The following INPP5A variants were observed in gnomAD, a reference collection of about 807,000 sequenced individuals.
INPP5A encodes the protein inositol polyphosphate-5-phosphatase A.
Under a neutral mutation model 65.2 loss-of-function variants are expected in INPP5A, and 14 were observed. The observed-to-expected ratio is 0.21, with a 90% CI of 0.14 to 0.34. The LOEUF is 0.34. Among genes scored for constraint, INPP5A ranks in the 10% least tolerant of loss-of-function variants. INPP5A has a pLI of 1.00. For missense variants in INPP5A, 431 were observed against 545.6 expected, an observed-to-expected ratio of 0.79 and a Z score of 2.09; for synonymous variants, 207 against 208.3, an observed-to-expected ratio of 0.99 and a Z score of 0.05.
intron 4 of INPP5A, among the ~76,000 whole-genome samples, chr10:132,684,780 A>T (rs1358501139): frequency 6.6e-6 from 1 of 152,176 alleles, no homozygotes; most frequent in Non-Finnish European, 1.5e-5. Flanking sequence ...GAGAGCACAG[A>T]TGTTTGCCAC....
chr10:132,666,609 G>A (rs781326520), intron 4 of INPP5A, among the ~76,000 whole-genome samples: 3 of 152,224 alleles, frequency 2.0e-5, no homozygotes, highest in Non-Finnish European at 4.4e-5. Context: ...GAGTGCAGCA[G>A]CATCTGGAAT....
At chr10:132,693,001 A>G (rs1046265656) in intron 5 of INPP5A, among the ~76,000 whole-genome samples, 7 of 152,246 alleles carry the variant, frequency 4.6e-5, no homozygotes, top group African/African-American at 1.7e-4. Flanking sequence ...TGGAATGAAT[A>G]ACAGAAAAGT....
rs991856855 is a variant in INPP5A at position 132,710,328 on chromosome 10, T to C, written c.528-9T>C. The C allele has an allele frequency of 3.7e-6, 6 of 1,613,676 alleles. No homozygotes were observed. The highest frequency in any genetic ancestry group is 4.5e-5 in the East Asian group (2 of 44,880). ...CTTGGTGACGTGTCCTTTTCTCTTT[T>C]GGTTGCAGTGCCTTTGACTTGGTGA... On this transcript the variant is annotated splice_polypyrimidine_tract_variant and intron_variant, in intron 7 of 15. Transcript: ENST00000368594.
At chr10:132,773,869 T>G (rs1004886715) in intron 12 of INPP5A, among the ~76,000 whole-genome samples, 3 of 152,060 alleles carry the variant, frequency 2.0e-5, no homozygotes, top group Non-Finnish European at 4.4e-5. Flanking sequence ...CAAGCGATTT[T>G]CCCCCCTCAG....
intron 4 of INPP5A, among the ~76,000 whole-genome samples, chr10:132,688,594 A>T (rs1234240464): frequency 6.6e-6 from 1 of 152,178 alleles, no homozygotes; most frequent in Non-Finnish European, 1.5e-5. Flanking sequence ...AGAGTGCATG[A>T]GTGCGTGTGT....
Position 132,707,757 on chromosome 10 carries a change from C to T in INPP5A, c.475-556C>T, listed in dbSNP as rs1845559304. On this transcript the variant is annotated intron_variant, in intron 6 of 15. Transcript: ENST00000368594. This position sits in a 1 kb window ranked among gnomAD's most constrained non-coding sequence, Gnocchi z 5.5. ...AGCTCAGGCTCTACGTTCGGTGGCTCTGCTAGGTGGTGGGGATCAGTGAGA... is the reference window on the plus strand; with the variant it reads ...AGCTCAGGCTCTACGTTCGGTGGCTTTGCTAGGTGGTGGGGATCAGTGAGA... Among the ~76,000 whole-genome samples the T allele has an allele frequency of 6.6e-6, 1 of 152,136 alleles. No homozygotes were observed. Among genetic ancestry groups the T allele is most frequent in the African/African-American group, 2.4e-5 (1 of 41,402 alleles).
intron 8 of INPP5A, among the ~76,000 whole-genome samples, chr10:132,717,361 G>A (rs980474504): frequency 3.3e-5 from 5 of 151,120 alleles, no homozygotes; most frequent in South Asian, 2.1e-4. Flanking sequence ...GGGGATCAGC[G>A]GGTTGGTCAA....
chr10:132,587,776 C>A lies in INPP5A; in HGVS notation c.76-20139C>A, dbSNP rs1052438974. ...CCCCCAGCACTTTGGGAGGCCGAGG[C>A]GAGGCGGGCAGATTATCTGAGGCCA... is the stretch of plus-strand genomic sequence containing the variant. On this transcript the variant is annotated intron_variant, in intron 1 of 15. Transcript: ENST00000368594. The surrounding 1 kb of genome is among the most constrained non-coding windows in gnomAD (Gnocchi z 4.3). Among the ~76,000 whole-genome samples the A allele has an allele frequency of 1.8e-4, 28 of 151,590 alleles. No individual in the cohort carries two copies. Among genetic ancestry groups the A allele is most frequent in the Admixed American group, 1.8e-3 (28 of 15,224 alleles).
At chr10:132,588,210 A>C (rs776950515) in intron 1 of INPP5A, among the ~76,000 whole-genome samples, 3 of 152,206 alleles carry the variant, frequency 2.0e-5, no homozygotes, top group Non-Finnish European at 2.9e-5. Flanking sequence ...TTTCTGAATT[A>C]TCTCTCATCA....
In INPP5A at chr10:132,650,326, G is replaced by C. The variant is rs2072557376; in HGVS notation, c.219-92G>C. 3.3e-5 allele frequency: 27 copies of C among 828,708 alleles called. No homozygotes were observed. The South Asian group carries it at 3.7e-4, about 11-fold the overall frequency. The allele number at this position is 828,708 out of a possible 1,614,324, so 51.3% of individuals were successfully genotyped here. A position where few individuals can be genotyped will look rare whatever the true frequency, so the allele number is the denominator to read the frequency against. On this transcript the variant is annotated intron_variant, in intron 3 of 15. Coordinates refer to ENST00000368594, the MANE Select transcript of INPP5A (RefSeq NM_005539.5). The surrounding 1 kb of genome is among the most constrained non-coding windows in gnomAD (Gnocchi z 5.5). ...GATGGTCTCACGGTGATGTACCTAT[G>C]TGCTGGAGCCCCTCTTATACCTTGT...
At chr10:132,710,620 G>A (rs969013555) in intron 8 of INPP5A, among the ~76,000 whole-genome samples, 164 bp downstream of exon 8, 15 of 151,754 alleles carry the variant, frequency 9.9e-5, no homozygotes, top group African/African-American at 3.4e-4. Context: ...TGGAGAGGTA[G>A]GTATGGATGG....
Position 132,659,508 on chromosome 10 carries a change from G to A in INPP5A, c.306+9003G>A, listed in dbSNP as rs186047703. Among the ~76,000 whole-genome samples, 19 of 152,320 alleles carry A rather than the reference G, an allele frequency of 1.2e-4. No homozygotes were observed. Among genetic ancestry groups the A allele is most frequent in the African/African-American group, 4.6e-4 (19 of 41,564 alleles). On this transcript the variant is annotated intron_variant, in intron 4 of 15. Coordinates refer to ENST00000368594, the MANE Select transcript of INPP5A (RefSeq NM_005539.5). The surrounding 1 kb of genome is among the most constrained non-coding windows in gnomAD (Gnocchi z 5.5). ...AAGCTGAGGCTTTTGAAGGATGACC[G>A]TGCCCAGGTTATCCAGTGTTCCTTC...
At chr10:132,734,504 A>G (rs373654439) in intron 9 of INPP5A, among the ~76,000 whole-genome samples, 2 of 152,208 alleles carry the variant, frequency 1.3e-5, no homozygotes, top group African/African-American at 4.8e-5. Context: ...TCAGCTGAGC[A>G]GGTTCTTTTT....
chr10:132,661,122 G>C (rs1359692454), intron 4 of INPP5A, among the ~76,000 whole-genome samples: 1 of 152,126 alleles, frequency 6.6e-6, no homozygotes, highest in African/African-American at 2.4e-5. Flanking sequence ...AGGTCTCTCT[G>C]TGTCCCCAGC....
intron 2 of INPP5A, among the ~76,000 whole-genome samples, chr10:132,630,540 G>T (rs1467186110): frequency 6.6e-6 from 1 of 152,002 alleles, no homozygotes; most frequent in Non-Finnish European, 1.5e-5. Flanking sequence ...TTTCATGAGG[G>T]AAAGATGTCC....
intron 4 of INPP5A, among the ~76,000 whole-genome samples, chr10:132,661,353 TTATG>T (rs1452580465): frequency 2.0e-5 from 3 of 152,338 alleles, no homozygotes; most frequent in Admixed American, 2.0e-4. Flanking sequence ...CAGAATCTCT[TTATG>T]TAGTTAGTGG....
intron 11 of INPP5A, among the ~76,000 whole-genome samples, chr10:132,756,586 C>T (rs138664376): frequency 0.018 from 2,739 of 152,246 alleles, 48 homozygotes; most frequent in Non-Finnish European, 0.028. Context: ...GCCGCTGCGC[C>T]GCCTGCTGTG....
At chr10:132,681,345 A>G (rs1332344383) in intron 4 of INPP5A, among the ~76,000 whole-genome samples, 15 of 151,728 alleles carry the variant, frequency 9.9e-5, no homozygotes, top group African/African-American at 2.4e-4. Flanking sequence ...AAATCTTGCT[A>G]CTGCTCACTC....
At chr10:132,642,502 G>A (rs1433023932) in intron 2 of INPP5A, among the ~76,000 whole-genome samples, 2 of 152,194 alleles carry the variant, frequency 1.3e-5, no homozygotes, top group Non-Finnish European at 2.9e-5. Flanking sequence ...GTAAAATCTA[G>A]TTATCCGTGG....
Sources: allele counts gnomAD v4.1 joint callset (sites outside exome capture counted in the v4.1 genomes callset), GRCh38; gene constraint gnomAD v4.1.1; non-coding constraint Gnocchi (gnomAD v3.1); transcripts MANE v1.5; gene names NCBI Gene and HGNC (gene_info 2026-07-23, HGNC 2026-07-21).